Variants in LRBA observed in about 807,000 individuals in gnomAD.
LRBA encodes the protein LPS responsive beige-like anchor protein, also known as lipopolysaccharide-responsive and beige-like anchor protein.
In LRBA, 176 loss-of-function variants were observed where a neutral mutation model predicts 330.0. That is an observed-to-expected ratio of 0.53 (90% CI 0.47 to 0.60). The LOEUF is 0.60. LRBA is among the 20% of genes least tolerant of loss of function. The pLI is 0.00. For missense variants in LRBA, 3,259 were observed against 3,444.8 expected (o/e 0.95, Z 1.35); for synonymous variants, 1,230 against 1,193.0 (o/e 1.03, Z -0.64).
At chr4:150,439,122 A>C (rs1751500273) in intron 44 of LRBA, among the ~76,000 whole-genome samples, 1 of 152,214 alleles carries the variant, frequency 6.6e-6, no homozygotes, top group Admixed American at 6.5e-5. Flanking sequence ...ATGGAAAAGA[A>C]AAGAGAGAAG....
chr4:150,907,623 G>C (rs1731496220), intron 11 of LRBA, among the ~76,000 whole-genome samples: 1 of 152,090 alleles, frequency 6.6e-6, no homozygotes, highest in Non-Finnish European at 1.5e-5. Flanking sequence ...ATTTCAAAAT[G>C]AGAGAATGTA....
chr4:150,771,014 G>A (rs1295326582), intron 34 of LRBA, among the ~76,000 whole-genome samples: 1 of 152,152 alleles, frequency 6.6e-6, no homozygotes, highest in Non-Finnish European at 1.5e-5. Context: ...ATTTTTGCCT[G>A]AGGATTCAGA....
intron 50 of LRBA, among the ~76,000 whole-genome samples, chr4:150,316,570 C>T (rs906104274): frequency 5.9e-5 from 9 of 152,146 alleles, no homozygotes; most frequent in African/African-American, 1.2e-4. Context: ...TTTCCCCAAA[C>T]GACTCAGCCA....
chr4:150,408,313 T>G (rs1746486110), intron 47 of LRBA, among the ~76,000 whole-genome samples: 1 of 151,860 alleles, frequency 6.6e-6, no homozygotes, highest in South Asian at 2.1e-4. Context: ...AAGAAAGAAA[T>G]AAATTACTGA....
chr4:150,376,279 T>C lies in LRBA; in HGVS notation c.7195-26120A>G, dbSNP rs550054747. On this transcript the variant is annotated intron_variant, in intron 47 of 56. Transcript: ENST00000651943. ...TATGGCAACTCCTTTTATTAAAATA[T>C]TAGGTAGTTTATCTCAGAAATAAAA... is the stretch of plus-strand genomic sequence containing the variant. Among the ~76,000 whole-genome samples the C allele has an allele frequency of 9.8e-5, 15 of 152,302 alleles. No homozygotes were observed. In the East Asian group the frequency reaches 2.9e-3, roughly 29 times the overall value.
chr4:150,511,081 T>C (rs1358739007), intron 40 of LRBA, among the ~76,000 whole-genome samples: 2 of 152,008 alleles, frequency 1.3e-5, no homozygotes, highest in African/African-American at 2.4e-5. Context: ...TGGTCTCAAA[T>C]TCCTGACCTC....
chr4:150,399,064 T>G (rs1745132349), intron 47 of LRBA, among the ~76,000 whole-genome samples: 1 of 152,170 alleles, frequency 6.6e-6, no homozygotes, highest in South Asian at 2.1e-4. Context: ...AGTAAATTCT[T>G]TATCTTTTTT....
At chr4:150,409,278 T>A (rs534819492) in intron 47 of LRBA, among the ~76,000 whole-genome samples, 1 of 152,226 alleles carries the variant, frequency 6.6e-6, no homozygotes, top group East Asian at 1.9e-4. Flanking sequence ...TGCTAAACTT[T>A]GATTTCAGAC....
chr4:150,583,761 C>G lies in LRBA; in HGVS notation c.6330+4287G>C. On this transcript the variant is annotated intron_variant, in intron 40 of 56. Coordinates refer to ENST00000651943, the MANE Select transcript of LRBA (RefSeq NM_001364905.1). This position sits in a 1 kb window ranked among gnomAD's most constrained non-coding sequence, Gnocchi z 9.8. Reference sequence around the variant, plus strand: ...AGGCGGAGAACCGCCTGCTGATGGGCGGCTGCCGAAACAAGTGCCTCTCAG... The same window carrying G: ...AGGCGGAGAACCGCCTGCTGATGGGGGGCTGCCGAAACAAGTGCCTCTCAG... 1.2e-6 allele frequency: 2 copies of G among 1,613,762 alleles called. No homozygotes were observed. The highest frequency in any genetic ancestry group is 1.7e-6 in the Non-Finnish European group (2 of 1,179,904).
chr4:150,955,841 G>A (rs1295433906), intron 2 of LRBA, among the ~76,000 whole-genome samples: 1 of 147,788 alleles, frequency 6.8e-6, no homozygotes, highest in Non-Finnish European at 1.5e-5. Flanking sequence ...GTGGTGAGCC[G>A]AGATTGTGCC....
chr4:150,517,232 T>C (rs1276413797), intron 40 of LRBA, among the ~76,000 whole-genome samples: 3 of 152,096 alleles, frequency 2.0e-5, no homozygotes, highest in African/African-American at 7.2e-5. Context: ...AAATATATGT[T>C]AAGGTGTTGC....
intron 20 of LRBA, among the ~76,000 whole-genome samples, chr4:150,869,610 A>G (rs1753181626): frequency 6.6e-6 from 1 of 152,060 alleles, no homozygotes; most frequent in African/African-American, 2.4e-5. Flanking sequence ...AATCACTTGA[A>G]CCAGGAGGCA....
chr4:150,562,798 C>T lies in LRBA; in HGVS notation c.6330+25250G>A, dbSNP rs115875022. Among the ~76,000 whole-genome samples the T allele has an allele frequency of 7.1e-3, 974 of 138,050 alleles. 14 individuals carry two copies. The highest frequency in any genetic ancestry group is 0.023 in the African/African-American group (920 of 39,472). 90.6% of individuals were successfully genotyped at this position (138,050 alleles called of 152,430 possible). On this transcript the variant is annotated intron_variant, in intron 40 of 56. Transcript: ENST00000651943. ...TCTCTCATGCCCACAATTAAGTTTG[C>T]TTTGAAATAATTTTTTTTTTAATAG...
At chr4:150,633,871 T>C (rs1287875854) in intron 37 of LRBA, among the ~76,000 whole-genome samples, 1 of 152,150 alleles carries the variant, frequency 6.6e-6, no homozygotes, top group Admixed American at 6.5e-5. Context: ...TCCCAGCACT[T>C]TGGGAGGCCG....
intron 37 of LRBA, among the ~76,000 whole-genome samples, chr4:150,654,417 G>A (rs184836182): frequency 5.9e-5 from 9 of 152,258 alleles, no homozygotes; most frequent in African/African-American, 2.2e-4. Context: ...TCGAACTCAT[G>A]ACCTCACGCG....
At chr4:150,685,919 C>T (rs1783584264) in intron 36 of LRBA, among the ~76,000 whole-genome samples, 1 of 151,872 alleles carries the variant, frequency 6.6e-6, no homozygotes, top group South Asian at 2.1e-4. Context: ...GACCCAAGTA[C>T]AAAATACAGG....
At chr4:150,521,943 T>C (rs1240505787) in intron 40 of LRBA, among the ~76,000 whole-genome samples, 2 of 152,226 alleles carry the variant, frequency 1.3e-5, no homozygotes, top group East Asian at 3.8e-4. Context: ...AAATCTCAAA[T>C]ATAACCATGA....
intron 29 of LRBA, among the ~76,000 whole-genome samples, chr4:150,828,922 G>GGGTGTGTGT (rs1491558415): frequency 9.4e-6 from 1 of 106,176 alleles, no homozygotes; most frequent in Non-Finnish European, 1.9e-5. Context: ...CTTTTTTGGG[G>GGGTGTGTGT]GTGTGTGTGT....
At chr4:150,673,583 T>G (rs1782264843) in intron 37 of LRBA, among the ~76,000 whole-genome samples, 1 of 152,192 alleles carries the variant, frequency 6.6e-6, no homozygotes, top group African/African-American at 2.4e-5. Flanking sequence ...GTACATTTGC[T>G]TTATCATGCT....
Sources: allele counts gnomAD v4.1 joint callset (sites outside exome capture counted in the v4.1 genomes callset), GRCh38; gene constraint gnomAD v4.1.1; non-coding constraint Gnocchi (gnomAD v3.1); transcripts MANE v1.5; gene names NCBI Gene and HGNC (gene_info 2026-07-23, HGNC 2026-07-21).